RSU1: variants seen among roughly 807,000 people sequenced by gnomAD.
RSU1 encodes the protein rsu-1.
A neutral mutation model predicts 31.1 loss-of-function variants in RSU1; 26 were observed. That is an observed-to-expected ratio of 0.84 (90% CI 0.61 to 1.16). The LOEUF (loss-of-function observed/expected upper bound fraction) is 1.16, where lower values mean the gene tolerates loss of function less well. RSU1 is among the 50% of genes most tolerant of loss of function. The pLI is 0.00. For synonymous variants in RSU1, 164 were observed against 136.3 expected (o/e 1.20, Z -1.41); for missense variants, 320 against 339.1 (o/e 0.94, Z 0.44).
At chr10:16,739,094 C>A (rs1052605671) in intron 7 of RSU1, among the ~76,000 whole-genome samples, 1 of 152,112 alleles carries the variant, frequency 6.6e-6, no homozygotes, top group Non-Finnish European at 1.5e-5. Context: ...ACCACATTTT[C>A]TTTATCCAGT....
At chr10:16,795,332 C>T (rs920232031) in intron 2 of RSU1, among the ~76,000 whole-genome samples, 9 of 124,090 alleles carry the variant, frequency 7.3e-5, no homozygotes, top group East Asian at 2.4e-4. Flanking sequence ...CAAGCCTGGG[C>T]GACAGAGTGA....
intron 8 of RSU1, among the ~76,000 whole-genome samples, chr10:16,647,848 A>T (rs1834600327): frequency 6.6e-6 from 1 of 152,094 alleles, no homozygotes; most frequent in African/African-American, 2.4e-5. Context: ...AAAGCTATTT[A>T]AAAAAAACTC....
intron 7 of RSU1, among the ~76,000 whole-genome samples, chr10:16,697,126 C>T (rs1835691991): frequency 6.6e-6 from 1 of 152,052 alleles, no homozygotes; most frequent in African/African-American, 2.4e-5. Context: ...CCATTGTGCA[C>T]AGGAGGCAGG....
chr10:16,656,168 C>T (rs765701443), intron 8 of RSU1, among the ~76,000 whole-genome samples: 15 of 152,082 alleles, frequency 9.9e-5, no homozygotes, highest in Non-Finnish European at 1.5e-4. Flanking sequence ...AGAAAAAACC[C>T]ACATACAATC....
At chr10:16,615,214 A>G (rs1456516206) in intron 8 of RSU1, among the ~76,000 whole-genome samples, 1 of 152,198 alleles carries the variant, frequency 6.6e-6, no homozygotes, top group Non-Finnish European at 1.5e-5. Context: ...GAGAGAAAAA[A>G]AAAAGCAGGG....
Position 16,645,999 on chromosome 10 carries a change from T to TAC in RSU1, c.731+49023_731+49024insGT, listed in dbSNP as rs1403174731. ...ATGTGTATATACATATATGTGTATA[T>TAC]ATATGTGTATATACATATATGTGTA... On this transcript the variant is annotated intron_variant, in intron 8 of 8. Coordinates refer to ENST00000345264, the MANE Select transcript of RSU1 (RefSeq NM_012425.4). Among the ~76,000 whole-genome samples, 13 of 93,386 alleles carry TAC rather than the reference T, an allele frequency of 1.4e-4. 2 individuals are homozygous for TAC. Among genetic ancestry groups the TAC allele is most frequent in the African/African-American group, 7.4e-4 (13 of 17,596 alleles). 61.3% of individuals were successfully genotyped at this position (93,386 alleles called of 152,430 possible). A position where few individuals can be genotyped will look rare whatever the true frequency, so the allele number is the denominator to read the frequency against.
At chr10:16,800,774 T>C (rs1489411482) in intron 2 of RSU1, among the ~76,000 whole-genome samples, 2 of 152,202 alleles carry the variant, frequency 1.3e-5, no homozygotes, top group African/African-American at 4.8e-5. Flanking sequence ...TAATTGTAAA[T>C]GTATATTGCA....
intron 8 of RSU1, among the ~76,000 whole-genome samples, chr10:16,624,293 A>C (rs1351981147): frequency 2.0e-5 from 3 of 152,094 alleles, no homozygotes; most frequent in African/African-American, 7.2e-5. Flanking sequence ...GAAGGGCTGG[A>C]GTAGACATCC....
chr10:16,651,833 A>C (rs1834688804), intron 8 of RSU1, among the ~76,000 whole-genome samples: 1 of 152,248 alleles, frequency 6.6e-6, no homozygotes, highest in African/African-American at 2.4e-5. Flanking sequence ...ACTGACTTAA[A>C]ATAACAGACA....
intron 2 of RSU1, among the ~76,000 whole-genome samples, chr10:16,801,491 A>G (rs1838154883): frequency 6.6e-6 from 1 of 152,206 alleles, no homozygotes; most frequent in Admixed American, 6.5e-5. Context: ...TCCAGCAGGC[A>G]GAAAATCAGT....
At chr10:16,716,734 A>C (rs779646445) in intron 7 of RSU1, among the ~76,000 whole-genome samples, 1 of 152,162 alleles carries the variant, frequency 6.6e-6, no homozygotes, top group African/African-American at 2.4e-5. Context: ...CTGTACAACT[A>C]AAGAGCCCTT....
At chr10:16,599,828 T>C (rs1020757536) in intron 8 of RSU1, among the ~76,000 whole-genome samples, 5 of 152,108 alleles carry the variant, frequency 3.3e-5, no homozygotes, top group South Asian at 2.1e-4. Flanking sequence ...GCCTGTGCCT[T>C]TGGTGTAGAT....
chr10:16,664,700 C>G (rs537031325), intron 8 of RSU1, among the ~76,000 whole-genome samples: 4 of 152,162 alleles, frequency 2.6e-5, no homozygotes, highest in Non-Finnish European at 5.9e-5. Flanking sequence ...TTGAACTCTA[C>G]TATAATTTAA....
At chr10:16,766,005 G>T (rs916714362) in intron 3 of RSU1, among the ~76,000 whole-genome samples, 1 of 152,234 alleles carries the variant, frequency 6.6e-6, no homozygotes, top group Non-Finnish European at 1.5e-5. Flanking sequence ...AAAGGGACAG[G>T]CACGTTGCTT....
At chr10:16,727,473 C>T (rs934880303) in intron 7 of RSU1, among the ~76,000 whole-genome samples, 3 of 152,074 alleles carry the variant, frequency 2.0e-5, no homozygotes, top group Admixed American at 6.5e-5. Context: ...CATGGATTGC[C>T]GCTACCAATA....
chr10:16,657,514 A>T (rs1834807414), intron 8 of RSU1, among the ~76,000 whole-genome samples: 2 of 148,936 alleles, frequency 1.3e-5, no homozygotes, highest in Admixed American at 6.6e-5. Flanking sequence ...TTACCATAAC[A>T]TCTCAATCAT....
chr10:16,729,820 C>T (rs1000944514), intron 7 of RSU1, among the ~76,000 whole-genome samples: 8 of 152,266 alleles, frequency 5.3e-5, no homozygotes, highest in African/African-American at 9.6e-5. Flanking sequence ...TGGCTCTGGG[C>T]CTAATCAAGT....
intron 2 of RSU1, among the ~76,000 whole-genome samples, chr10:16,814,723 C>T (rs1838490234): frequency 6.6e-6 from 1 of 152,192 alleles, no homozygotes; most frequent in Non-Finnish European, 1.5e-5. Flanking sequence ...TTCCACCCAA[C>T]TTCCCAAAAA....
intron 7 of RSU1, among the ~76,000 whole-genome samples, chr10:16,739,240 C>A (rs988799625): frequency 6.6e-6 from 1 of 151,972 alleles, no homozygotes; most frequent in Non-Finnish European, 1.5e-5. Flanking sequence ...AATGGGATTG[C>A]TGGATCAAAT....
Sources: gnomAD v4.1 joint callset for allele counts (sites outside exome capture counted in the v4.1 genomes callset) on GRCh38, gnomAD v4.1.1 for gene constraint, MANE v1.5 for transcripts, NCBI Gene and HGNC (gene_info 2026-07-23, HGNC 2026-07-21) for gene names.